ADGRB3: variants seen among roughly 807,000 people sequenced by gnomAD.
ADGRB3 encodes the protein brain-specific angiogenesis inhibitor 3.
ADGRB3 carries 37 observed loss-of-function variants against 193.4 expected under a neutral mutation model. That is an observed-to-expected ratio of 0.19 (90% CI 0.15 to 0.25). The LOEUF is 0.25. Ranked by LOEUF, ADGRB3 falls within the 10% of genes least tolerant of loss-of-function variation. The pLI is 1.00. For synonymous variants in ADGRB3, 690 were observed against 644.2 expected (o/e 1.07, Z -1.08); for missense variants, 1,637 against 1,852.9 (o/e 0.88, Z 2.14).
chr6:69,218,380 T>C (rs1765818471), intron 17 of ADGRB3, among the ~76,000 whole-genome samples: 1 of 152,168 alleles, frequency 6.6e-6, no homozygotes, highest in Admixed American at 6.6e-5. Context: ...AGTGTGGATA[T>C]ATAAATAGGA....
chr6:68,910,725 G>C (rs1180402618), intron 3 of ADGRB3, among the ~76,000 whole-genome samples: 1 of 152,106 alleles, frequency 6.6e-6, no homozygotes, highest in Admixed American at 6.5e-5. Context: ...TAGATATGTG[G>C]CATTATTTCT....
At chr6:68,877,859 T>C (rs1765634793) in intron 3 of ADGRB3, among the ~76,000 whole-genome samples, 1 of 152,164 alleles carries the variant, frequency 6.6e-6, no homozygotes, top group South Asian at 2.1e-4. Context: ...TAGTCTGATC[T>C]ATCACTCCTA....
chr6:68,890,538 T>G (rs1212155044), intron 3 of ADGRB3, among the ~76,000 whole-genome samples: 1 of 152,206 alleles, frequency 6.6e-6, no homozygotes, highest in Non-Finnish European at 1.5e-5. Flanking sequence ...TGTAATGAAT[T>G]TGTGGTTATT....
Position 69,389,067 on chromosome 6 carries a change from T to A in ADGRB3, c.*176T>A. ...CTCACTAGTCAGGCTAGTGGAGAGATGACCAGGTGTACAGTTCTGACCATC... is the reference window on the plus strand; with the variant it reads ...CTCACTAGTCAGGCTAGTGGAGAGAAGACCAGGTGTACAGTTCTGACCATC... On this transcript the variant is annotated 3_prime_UTR_variant, in exon 32 of 32. Coordinates refer to ENST00000370598, the MANE Select transcript of ADGRB3 (RefSeq NM_001704.3). 1.7e-6 allele frequency: 1 copy of A among 597,068 alleles called. No individual in the cohort carries two copies. The highest frequency in any genetic ancestry group is 2.9e-6 in the Non-Finnish European group (1 of 349,746). The allele number at this position is 597,068 out of a possible 1,614,324, so 37.0% of individuals were successfully genotyped here.
intron 3 of ADGRB3, among the ~76,000 whole-genome samples, chr6:68,643,505 G>A (rs73748135): frequency 0.041 from 5,109 of 124,200 alleles, 289 homozygotes; most frequent in African/African-American, 0.14. Flanking sequence ...AATGCAGAAC[G>A]ATTTACTGAA....
At chr6:69,341,280 C>T (rs1768968055) in intron 26 of ADGRB3, among the ~76,000 whole-genome samples, 2 of 152,230 alleles carry the variant, frequency 1.3e-5, no homozygotes, top group South Asian at 4.1e-4. Context: ...AGCATCTATT[C>T]TTTCCTGACT....
chr6:69,328,663 G>A lies in ADGRB3; in HGVS notation c.3035+774G>A, dbSNP rs578051707. ...GCCAATTAGACCCTCTGATAGGTTC[G>A]TACAAATTGTAAACATACTGAGAGA... On this transcript the variant is annotated intron_variant, in intron 22 of 31. Transcript: ENST00000370598. Among the ~76,000 whole-genome samples, 6 of 152,168 alleles carry A rather than the reference G, an allele frequency of 3.9e-5. No individual in the cohort carries two copies. In the East Asian group the frequency reaches 5.8e-4, roughly 15 times the overall value.
chr6:69,211,522 C>G (rs1222750049), intron 17 of ADGRB3, among the ~76,000 whole-genome samples: 2 of 151,994 alleles, frequency 1.3e-5, no homozygotes, highest in East Asian at 3.9e-4. Context: ...TACAAGAACA[C>G]TATCAGGTAG....
intron 17 of ADGRB3, among the ~76,000 whole-genome samples, chr6:69,153,403 A>G (rs770305942): frequency 3.9e-5 from 6 of 152,326 alleles, no homozygotes; most frequent in Non-Finnish European, 8.8e-5. Flanking sequence ...AACAAAGGAT[A>G]AAAGAGGTTT....
At chr6:69,335,131 A>T (rs75968816) in intron 24 of ADGRB3, among the ~76,000 whole-genome samples, 25,972 of 151,330 alleles carry the variant, frequency 0.17, 2,657 homozygotes, top group African/African-American at 0.29. Context: ...GGATTTAATT[A>T]AAAAAAAATT....
intron 17 of ADGRB3, among the ~76,000 whole-genome samples, chr6:69,176,278 A>G (rs1561942882): frequency 6.6e-6 from 1 of 152,082 alleles, no homozygotes; most frequent in African/African-American, 2.4e-5. Flanking sequence ...CAAGTTTATC[A>G]TGTGTTGCTG....
At chr6:68,935,477 T>G (rs980628710) in intron 4 of ADGRB3, among the ~76,000 whole-genome samples, 8 of 152,200 alleles carry the variant, frequency 5.3e-5, no homozygotes, top group Non-Finnish European at 5.9e-5. Flanking sequence ...AAAATATTGT[T>G]AAATTGCTCT....
At chr6:68,749,232 T>A (rs1766144764) in intron 3 of ADGRB3, among the ~76,000 whole-genome samples, 1 of 152,164 alleles carries the variant, frequency 6.6e-6, no homozygotes, top group South Asian at 2.1e-4. Context: ...CCAGCTTGAA[T>A]TTATCCCAGA....
rs147992717 is a variant in ADGRB3 at position 68,720,625 on chromosome 6, T to C, written c.757+81193T>C. Reference sequence around the variant, plus strand: ...ATCTATTACCATTTATAAAACCAAGTGCATTCTTTGCATAGAATAAAGTAC... The same window carrying C: ...ATCTATTACCATTTATAAAACCAAGCGCATTCTTTGCATAGAATAAAGTAC... On this transcript the variant is annotated intron_variant, in intron 3 of 31. Coordinates refer to ENST00000370598, the MANE Select transcript of ADGRB3 (RefSeq NM_001704.3). 1.4e-4 allele frequency among the ~76,000 whole-genome samples: 22 copies of C among 151,818 alleles called. No individual in the cohort carries two copies. The East Asian group carries it at 3.5e-3, about 24-fold the overall frequency.
intron 3 of ADGRB3, among the ~76,000 whole-genome samples, chr6:68,701,363 C>T (rs1297124232): frequency 6.6e-6 from 1 of 152,180 alleles, no homozygotes; most frequent in Non-Finnish European, 1.5e-5. Flanking sequence ...TTCCCTCCAT[C>T]CTTTCCAACA....
chr6:69,315,492 CCT>C (rs2127302487), intron 20 of ADGRB3, among the ~76,000 whole-genome samples: 1 of 151,468 alleles, frequency 6.6e-6, no homozygotes, highest in East Asian at 1.9e-4. Flanking sequence ...TGTGCAAATC[CCT>C]GTTTTAGCCA....
intron 29 of ADGRB3, among the ~76,000 whole-genome samples, chr6:69,369,799 T>C (rs1028170551): frequency 6.6e-6 from 1 of 152,124 alleles, no homozygotes; most frequent in Non-Finnish European, 1.5e-5. Context: ...CACATTAGAA[T>C]GATTTCTAAG....
intron 17 of ADGRB3, among the ~76,000 whole-genome samples, chr6:69,133,176 C>T (rs953353304): frequency 1.3e-5 from 2 of 152,010 alleles, no homozygotes; most frequent in Admixed American, 6.6e-5. Flanking sequence ...TCAATGGTAG[C>T]TTGATGGGAT....
At chr6:69,047,938 A>G (rs1337498330) in intron 13 of ADGRB3, among the ~76,000 whole-genome samples, 2 of 152,108 alleles carry the variant, frequency 1.3e-5, no homozygotes, top group African/African-American at 4.8e-5. Flanking sequence ...CAGAATATCC[A>G]CTCCATTATT....
Sources: allele counts gnomAD v4.1 joint callset (sites outside exome capture counted in the v4.1 genomes callset), GRCh38; gene constraint gnomAD v4.1.1; transcripts MANE v1.5; gene names NCBI Gene and HGNC (gene_info 2026-07-23, HGNC 2026-07-21).